PARP9: variants seen among roughly 807,000 people sequenced by gnomAD.
PARP9 encodes poly(ADP-ribose) polymerase family member 9.
Under a neutral mutation model 68.8 loss-of-function variants are expected in PARP9, and 48 were observed. The ratio of observed to expected loss-of-function variants is 0.70; its 90% CI spans 0.55 to 0.89. The LOEUF is 0.89. PARP9 is among the 40% of genes least tolerant of loss of function. The pLI is 0.00. For missense variants in PARP9, 806 were observed against 969.3 expected (o/e 0.83, Z 2.24); for synonymous variants, 309 against 333.8 (o/e 0.93, Z 0.81).
intron 10 of PARP9, chr3:122,532,444 C>G: frequency 1.0e-6 from 1 of 982,780 alleles, no homozygotes; most frequent in Non-Finnish European, 1.2e-6. Context: ...GCAAACATTG[C>G]AGGAACTGAG....
chr3:122,534,028 G>C, intron 10 of PARP9: 1 of 985,512 alleles, frequency 1.0e-6, no homozygotes, highest in Non-Finnish European at 1.2e-6. Context: ...GTCAATTGGT[G>C]CAGGTCACAT....
intron 7 of PARP9, among the ~76,000 whole-genome samples, 163 bp from the exon 8 acceptor site, chr3:122,541,015 C>G (rs976329426): frequency 3.3e-5 from 5 of 152,026 alleles, no homozygotes; most frequent in African/African-American, 1.2e-4. Flanking sequence ...CTCAGCCTCC[C>G]GAGTAGCTGG....
chr3:122,562,329 CCCA>C (rs1258944528), intron 1 of PARP9, among the ~76,000 whole-genome samples: 1 of 151,474 alleles, frequency 6.6e-6, no homozygotes, highest in Non-Finnish European at 1.5e-5. Context: ...ACTACAGGCG[CCCA>C]CCACCACGCC....
At chr3:122,534,404 G>T (rs2077498515) in intron 10 of PARP9, 1 of 985,332 alleles carries the variant, frequency 1.0e-6, no homozygotes, top group Admixed American at 6.1e-5. Flanking sequence ...TTTACAACAT[G>T]GAATAGGGAG....
Position 122,550,697 on chromosome 3 carries a change from C to T in PARP9, c.1213G>A (p.Glu405Lys), listed in dbSNP as rs146564634. The change falls in exon 6 of 11, where the codon GAA (glutamate) becomes AAA (lysine). Residue 405 changes from glutamate to lysine, a missense_variant. By Grantham distance (56) the Glu-to-Lys change is moderately conservative. Around this residue, in one of 2 missense-constraint regions of PARP9, gnomAD observed 680 missense variants for 858.8 expected, o/e 0.79. Coordinates refer to ENST00000682323, the MANE Select transcript of PARP9 (RefSeq NM_001146105.2). ...TCAAACAAAATCTCTGCTGCTGTTT[C>T]CTTCTTTATTTCCATGTTTCCAGTC... is the stretch of plus-strand genomic sequence containing the variant. ...LGTGNMEIKK[E>K]TAAEILFDEV... 8.6e-3 allele frequency: 13,828 copies of T among 1,614,052 alleles called. 151 individuals carry two copies. The highest frequency in any genetic ancestry group is 7.9e-3 in the Non-Finnish European group (9,328 of 1,179,978).
chr3:122,541,994 A>G (rs13326103), intron 7 of PARP9, among the ~76,000 whole-genome samples: 1 of 152,178 alleles, frequency 6.6e-6, no homozygotes, highest in Non-Finnish European at 1.5e-5. Flanking sequence ...CTCTGAGTAA[A>G]GATAAAAAAG....
At chr3:122,561,161 T>A (rs565880818) in intron 1 of PARP9, among the ~76,000 whole-genome samples, 4 of 152,270 alleles carry the variant, frequency 2.6e-5, no homozygotes, top group African/African-American at 7.2e-5. Flanking sequence ...CCCAGCACCC[T>A]TTTGAAACTG....
chr3:122,538,735 T>G (rs1340042598), intron 8 of PARP9, among the ~76,000 whole-genome samples: 3 of 151,876 alleles, frequency 2.0e-5, no homozygotes, highest in African/African-American at 7.3e-5. Flanking sequence ...AGATCCATGT[T>G]TCTTTGTATC....
At position 122,564,290 on chromosome 3, in the gene PARP9, G is replaced by A. The variant is rs1386679646; in HGVS notation, c.-135C>T. 5 of 1,078,474 alleles carry A rather than the reference G, an allele frequency of 4.6e-6. No individual in the cohort carries two copies. In the East Asian group the frequency reaches 1.1e-4, roughly 24 times the overall value. The allele number at this position is 1,078,474 out of a possible 1,614,324, so 66.8% of individuals were successfully genotyped here. A position where few individuals can be genotyped will look rare whatever the true frequency, so the allele number is the denominator to read the frequency against. On this transcript the variant is annotated 5_prime_UTR_variant, in exon 1 of 11. Transcript: ENST00000682323. ...GTGCAGACAGCACAGGGAGGAGGGG[G>A]AAGCGGCTCTGCCGGGAACAGGGAG...
chr3:122,528,726 C>T lies in PARP9; in HGVS notation c.2098G>A (p.Gly700Ser). 6.3e-7 allele frequency: 1 copy of T among 1,597,542 alleles called. No homozygotes were observed. Among genetic ancestry groups the T allele is most frequent in the South Asian group, 1.1e-5 (1 of 88,484 alleles). Residue 700 changes from glycine (G) to serine (S), a missense_variant, in exon 11 of 11, where the codon GGC (glycine) becomes AGC (serine). Physicochemically the swap from Gly to Ser is moderately conservative, Grantham distance 56. This residue lies in a region of PARP9 where 680 missense variants were observed against 858.8 expected (regional missense o/e 0.79). Transcript: ENST00000682323. ...STPCDPKYGA[G>S]IYFTKNLKNL... Reference sequence around the variant, plus strand: ...TTGAGGTTCTTGGTGAAGTATATGCCAGCTCCGTATTTTGGATCTGATAAA... The same window carrying T: ...TTGAGGTTCTTGGTGAAGTATATGCTAGCTCCGTATTTTGGATCTGATAAA...
At chr3:122,533,935 C>T (rs2077469726) in intron 10 of PARP9, 1 of 985,310 alleles carries the variant, frequency 1.0e-6, no homozygotes, top group Non-Finnish European at 1.2e-6. Context: ...CAAATAACAA[C>T]AGCTTCAGTG....
Position 122,537,005 on chromosome 3 carries a change from G to GA in PARP9, c.1833dup (p.Pro612SerfsTer16), listed in dbSNP as rs2077695526. 8.7e-6 allele frequency: 14 copies of GA among 1,613,826 alleles called. No homozygotes were observed. Among genetic ancestry groups the GA allele is most frequent in the Non-Finnish European group, 1.2e-5 (14 of 1,179,774 alleles). On this transcript the variant is annotated frameshift_variant, in exon 9 of 11. Transcript: ENST00000682323. LOFTEE classifies it high-confidence loss of function. Reference sequence around the variant, plus strand: ...AGAAGCTCTTGAGTTGGAGGCACAGGACATTTCAGAAATATGATATTTTCT... The same window carrying GA: ...AGAAGCTCTTGAGTTGGAGGCACAGGAACATTTCAGAAATATGATATTTTCT...
intron 1 of PARP9, among the ~76,000 whole-genome samples, chr3:122,560,428 TC>T (rs1289016974): frequency 6.6e-6 from 1 of 152,114 alleles, no homozygotes; most frequent in Non-Finnish European, 1.5e-5. Flanking sequence ...TCTCACTCTG[TC>T]CCCCAGGAAT....
chr3:122,540,800 A>G lies in PARP9; in HGVS notation c.1437T>C (p.Ser479=). The change falls in exon 8 of 11, where the codon TCT becomes TCC. Residue 479 remains serine (S), a synonymous_variant. Transcript: ENST00000682323. ...TGAATCCCATCAGATTGATGGCAGGAGATCTAGCTTCAAGCCCATTTTCTC... is the reference window on the plus strand; with the variant it reads ...TGAATCCCATCAGATTGATGGCAGGGGATCTAGCTTCAAGCCCATTTTCTC... ...EKRENGLEAR[S]PAINLMGFNV... is the part of the protein sequence containing the mutation. 1 of 1,614,024 alleles carries G rather than the reference A, an allele frequency of 6.2e-7. No homozygotes were observed. The highest frequency in any genetic ancestry group is 1.3e-5 in the African/African-American group (1 of 74,994).
At chr3:122,542,257 C>CTTTTTT (rs1175844599) in intron 7 of PARP9, among the ~76,000 whole-genome samples, 6 of 104,046 alleles carry the variant, frequency 5.8e-5, no homozygotes, top group Admixed American at 1.0e-4. Context: ...TCTACTACTA[C>CTTTTTT]TTTTTTTTTT....
At position 122,555,292 on chromosome 3, in the gene PARP9, C is replaced by T; in HGVS notation, c.879G>A (p.Trp293Ter). 1 of 1,604,952 alleles carries T rather than the reference C, an allele frequency of 6.2e-7. No homozygotes were observed. Among genetic ancestry groups the T allele is most frequent in the African/African-American group, 1.3e-5 (1 of 74,566 alleles). ...TLQIVQGHIE[W>*]QTADVIVNSV... is the part of the protein sequence containing the mutation. ...AATAGAAACAAAGACTTACCGTCTG[C>T]CATTCAATGTGGCCCTGGACAATCT... Residue 293 changes from tryptophan to a stop codon, truncating the protein, a stop_gained, in exon 4 of 11, where the codon TGG becomes TGA. Transcript: ENST00000682323. LOFTEE classifies it high-confidence loss of function.
Position 122,528,593 on chromosome 3 carries a change from A to G in PARP9, c.2231T>C (p.Ile744Thr). 2 of 1,614,204 alleles carry G rather than the reference A, an allele frequency of 1.2e-6. No homozygotes were observed. Among genetic ancestry groups the G allele is most frequent in the South Asian group, 2.2e-5 (2 of 91,084 alleles). ...TCCAGGACTCAGTGGTGGGGGAACA[A>G]TATTTAACGGATGTCCCTGGCAGAA... ...GFFCQGHPLN[I>T]VPPPLSPGAI... The change falls in exon 11 of 11, where the codon ATT becomes ACT. Residue 744 changes from isoleucine (I) to threonine (T), a missense_variant. This residue lies in a region of PARP9 where 680 missense variants were observed against 858.8 expected (regional missense o/e 0.79). Coordinates refer to ENST00000682323, the MANE Select transcript of PARP9 (RefSeq NM_001146105.2).
At position 122,552,509 on chromosome 3, in the gene PARP9, C is replaced by T. The variant is rs771811321; in HGVS notation, c.1016G>A (p.Arg339Gln). 1.2e-5 allele frequency: 19 copies of T among 1,613,884 alleles called. No individual in the cohort carries two copies. The East Asian group carries it at 1.6e-4, about 13-fold the overall frequency. Residue 339 changes from arginine (R) to glutamine (Q), a missense_variant, in exon 5 of 11, where the codon CGG becomes CAG. Around this residue, in one of 2 missense-constraint regions of PARP9, gnomAD observed 680 missense variants for 858.8 expected, o/e 0.79. Transcript: ENST00000682323. ...TTTTGTGACCAGTACCAACTGGGAC[C>T]GTTGAAACTGTTTAGCCTTTGTGGC... ...FLATKAKQFQRSQLVLVTKGF... is the reference protein window; with the variant it reads ...FLATKAKQFQQSQLVLVTKGF...
intron 2 of PARP9, among the ~76,000 whole-genome samples, chr3:122,559,173 G>A (rs529828962): frequency 2.6e-5 from 4 of 152,334 alleles, no homozygotes; most frequent in African/African-American, 9.6e-5. Context: ...CTGGGGACAT[G>A]AGCCTCATCA....
Sources: gnomAD v4.1 joint callset for allele counts (sites outside exome capture counted in the v4.1 genomes callset) on GRCh38, gnomAD v4.1.1 for gene constraint, gnomAD v4.1.1 regional missense constraint, MANE v1.5 for transcripts, NCBI Gene and HGNC (gene_info 2026-07-23, HGNC 2026-07-21) for gene names.